Variants in TBCK observed in about 807,000 individuals in gnomAD.
TBCK encodes the protein TBC1 domain containing kinase, also known as TBC domain-containing protein kinase-like protein.
A neutral mutation model predicts 113.4 loss-of-function variants in TBCK; 99 were observed. The observed-to-expected ratio is 0.87, with a 90% CI of 0.74 to 1.03. The LOEUF is 1.03. TBCK is among the 50% of genes least tolerant of loss of function. The probability of loss-of-function intolerance (pLI) is 0.00; values close to 1 mark genes in which losing one functional copy is unlikely to be tolerated. For synonymous variants in TBCK, 369 were observed against 370.8 expected (o/e 1.00, Z 0.05); for missense variants, 1,045 against 1,061.3 (o/e 0.98, Z 0.21).
In TBCK at chr4:106,230,044, T is replaced by C. The variant is rs570226302; in HGVS notation, c.1774+319A>G. ...ATTTAAACTTTTTACTAATTTACAA[T>C]GGACTTGCCCATGGTGAAGCTTTTT... is the stretch of plus-strand genomic sequence containing the variant. On this transcript the variant is annotated intron_variant, in intron 19 of 25. Transcript: ENST00000394708. Among the ~76,000 whole-genome samples, 7 of 152,090 alleles carry C rather than the reference T, an allele frequency of 4.6e-5. No individual in the cohort carries two copies. In the East Asian group the frequency reaches 1.2e-3, roughly 25 times the overall value.
At chr4:106,067,944 T>C (rs1289999304) in intron 25 of TBCK, among the ~76,000 whole-genome samples, 2 of 152,128 alleles carry the variant, frequency 1.3e-5, no homozygotes, top group African/African-American at 4.8e-5. Context: ...TTGTTCTTTT[T>C]CAAGATTGTT....
At chr4:106,238,654 T>C (rs1759741558) in intron 12 of TBCK, 1 of 152,152 alleles carries the variant, frequency 6.6e-6, no homozygotes, top group East Asian at 1.9e-4. Flanking sequence ...TTCCACTTTC[T>C]TATACAAAAT....
At chr4:106,180,180 C>T (rs1752177688) in intron 22 of TBCK, among the ~76,000 whole-genome samples, 1 of 151,462 alleles carries the variant, frequency 6.6e-6, no homozygotes, top group African/African-American at 2.4e-5. Flanking sequence ...ATCAATTCAG[C>T]CATTCTAGCT....
At chr4:106,250,382 T>C in intron 7 of TBCK, 36 bp downstream of exon 7, 1 of 1,366,932 alleles carries the variant, frequency 7.3e-7, no homozygotes. Context: ...TAAGTTATAT[T>C]TATATTTGAA....
In TBCK at chr4:106,220,944, T is replaced by TTA. The variant is rs1405489172; in HGVS notation, c.1775-8111_1775-8110dup. 3.9e-5 allele frequency among the ~76,000 whole-genome samples: 6 copies of TTA among 152,304 alleles called. 1 individual carries two copies. The highest frequency in any genetic ancestry group is 1.4e-4 in the African/African-American group (6 of 41,568). ...ACTATATATCAATGAAAGCATACAG[T>TTA]TATTAACTTCTAAAAAGCATGCTTC... is the stretch of plus-strand genomic sequence containing the variant. On this transcript the variant is annotated intron_variant, in intron 19 of 25. Coordinates refer to ENST00000394708, the MANE Select transcript of TBCK (RefSeq NM_001163435.3).
chr4:106,185,367 C>T (rs1250952529), intron 22 of TBCK, among the ~76,000 whole-genome samples: 1 of 151,840 alleles, frequency 6.6e-6, no homozygotes, highest in Non-Finnish European at 1.5e-5. Context: ...ACCCTCTTAC[C>T]ACGAAATTTT....
At position 106,116,397 on chromosome 4, in the gene TBCK, A is replaced by C. The variant is rs1425760282; in HGVS notation, c.2236-19T>G. Reference sequence around the variant, plus strand: ...CTCTTGACTGAAAAAAAAAATGTACAAAAAAAAATATTGAGAATATTATAG... The same window carrying C: ...CTCTTGACTGAAAAAAAAAATGTACCAAAAAAAATATTGAGAATATTATAG... On this transcript the variant is annotated intron_variant, in intron 23 of 25. Transcript: ENST00000394708. The C allele has an allele frequency of 6.6e-7, 1 of 1,520,982 alleles. No homozygotes were observed. The highest frequency in any genetic ancestry group is 1.4e-5 in the African/African-American group (1 of 71,596). The allele number at this position is 1,520,982 out of a possible 1,614,324, so 94.2% of individuals were successfully genotyped here.
chr4:106,279,223 A>C (rs1414394329), intron 3 of TBCK, among the ~76,000 whole-genome samples: 2 of 152,222 alleles, frequency 1.3e-5, no homozygotes, highest in African/African-American at 4.8e-5. Flanking sequence ...GAAGGAACTG[A>C]TTGAATACAG....
chr4:106,209,497 TAAAAA>T (rs1026238844), intron 20 of TBCK, among the ~76,000 whole-genome samples: 1 of 152,148 alleles, frequency 6.6e-6, no homozygotes, highest in Non-Finnish European at 1.5e-5. Context: ...ATTTCTTAGA[TAAAAA>T]AATACAAATA....
intron 25 of TBCK, among the ~76,000 whole-genome samples, chr4:106,086,886 T>C (rs1739574877): frequency 6.6e-6 from 1 of 152,226 alleles, no homozygotes; most frequent in African/African-American, 2.4e-5. Flanking sequence ...TCAGCATCCA[T>C]TCATGTTAAA....
chr4:106,244,997 A>C (rs903156982), intron 10 of TBCK, among the ~76,000 whole-genome samples: 5 of 152,140 alleles, frequency 3.3e-5, no homozygotes, highest in African/African-American at 1.2e-4. Flanking sequence ...GTGAGGACAT[A>C]GGACAAACTT....
chr4:106,299,068 G>A (rs1286195359), intron 2 of TBCK, among the ~76,000 whole-genome samples: 2 of 152,206 alleles, frequency 1.3e-5, no homozygotes, highest in Non-Finnish European at 2.9e-5. Context: ...GCCTAGCAGT[G>A]CATCAGTAGT....
intron 3 of TBCK, among the ~76,000 whole-genome samples, chr4:106,290,380 T>C (rs1297124980): frequency 1.3e-5 from 2 of 152,066 alleles, no homozygotes; most frequent in African/African-American, 4.8e-5. Flanking sequence ...GGTTTCACCA[T>C]GTTAGCCAGA....
At chr4:106,293,141 T>C (rs1349053933) in intron 3 of TBCK, among the ~76,000 whole-genome samples, 2 of 152,216 alleles carry the variant, frequency 1.3e-5, no homozygotes, top group Non-Finnish European at 2.9e-5. Context: ...ACTTCATCTG[T>C]GCTAGAAGAG....
chr4:106,046,928 G>C (rs1734279876), intron 25 of TBCK, among the ~76,000 whole-genome samples: 1 of 152,042 alleles, frequency 6.6e-6, no homozygotes. Flanking sequence ...TTGAATATGT[G>C]ATAAATATAC....
At chr4:106,265,280 T>C (rs1355062733) in intron 3 of TBCK, among the ~76,000 whole-genome samples, 2 of 152,036 alleles carry the variant, frequency 1.3e-5, no homozygotes, top group South Asian at 2.1e-4. Context: ...GGTATATATA[T>C]CTATGAGGTA....
rs527359018 is a variant in TBCK at position 106,120,253 on chromosome 4, C to T, written c.2236-3875G>A. 1.2e-4 allele frequency among the ~76,000 whole-genome samples: 18 copies of T among 152,274 alleles called. No homozygotes were observed. In the East Asian group the frequency reaches 2.1e-3, roughly 18 times the overall value. On this transcript the variant is annotated intron_variant, in intron 23 of 25. Coordinates refer to ENST00000394708, the MANE Select transcript of TBCK (RefSeq NM_001163435.3). ...ACTCCCACCCGAATATTGCGCTTTTCGGACCCCCTTAAAAAACGGCGCACC... is the reference window on the plus strand; with the variant it reads ...ACTCCCACCCGAATATTGCGCTTTTTGGACCCCCTTAAAAAACGGCGCACC...
At chr4:106,237,041 C>A (rs992963821) in intron 12 of TBCK, among the ~76,000 whole-genome samples, 2 of 151,896 alleles carry the variant, frequency 1.3e-5, no homozygotes, top group African/African-American at 4.8e-5. Flanking sequence ...AGGTATCACT[C>A]ATAAATGTTA....
intron 24 of TBCK, among the ~76,000 whole-genome samples, chr4:106,111,440 CAG>C (rs1340947615): frequency 6.6e-6 from 1 of 152,140 alleles, no homozygotes; most frequent in Non-Finnish European, 1.5e-5. Context: ...CAGAACGGGA[CAG>C]AGAAAAATTT....
Sources: gnomAD v4.1 joint callset for allele counts (sites outside exome capture counted in the v4.1 genomes callset) on GRCh38, gnomAD v4.1.1 for gene constraint, MANE v1.5 for transcripts, NCBI Gene and HGNC (gene_info 2026-07-23, HGNC 2026-07-21) for gene names.